FMN1: variants seen among roughly 807,000 people sequenced by gnomAD.
The protein encoded by FMN1 is formin-1.
A neutral mutation model predicts 132.4 loss-of-function variants in FMN1; 110 were observed. The observed-to-expected ratio is 0.83, with a 90% CI of 0.71 to 0.97. FMN1 has a LOEUF of 0.97. Among genes scored for constraint, FMN1 ranks in the 50% least tolerant of loss-of-function variants. The pLI, the probability that FMN1 is intolerant of heterozygous loss-of-function variation, is 0.00. For synonymous variants in FMN1, 722 were observed against 651.7 expected, an observed-to-expected ratio of 1.11 and a Z score of -1.64; for missense variants, 1,792 against 1,705.3, an observed-to-expected ratio of 1.05 and a Z score of -0.90.
At chr15:32,934,493 C>T (rs1261079479) in intron 9 of FMN1, among the ~76,000 whole-genome samples, 3 of 151,834 alleles carry the variant, frequency 2.0e-5, no homozygotes, top group Non-Finnish European at 2.9e-5. Flanking sequence ...ACTTTAAAGG[C>T]TTTCCTGTAT....
intron 6 of FMN1, chr15:33,012,450 T>C (rs559794055): frequency 8.0e-5 from 83 of 1,043,260 alleles, no homozygotes; most frequent in Middle Eastern, 3.0e-4. Context: ...TTGCTGGCAT[T>C]AAAGAAGACA....
chr15:32,860,896 G>GT (rs1379106992), intron 16 of FMN1: 1 of 152,116 alleles, frequency 6.6e-6, no homozygotes, highest in Non-Finnish European at 1.5e-5. Flanking sequence ...GGTAACAAAG[G>GT]TAACAAAGAT....
At chr15:32,867,922 T>G (rs1487331118) in intron 16 of FMN1, among the ~76,000 whole-genome samples, 1 of 152,238 alleles carries the variant, frequency 6.6e-6, no homozygotes, top group Non-Finnish European at 1.5e-5. Context: ...GTATTTTTCT[T>G]ACTGTTAAAT....
At chr15:33,099,327 A>G (rs1474467697) in intron 4 of FMN1, among the ~76,000 whole-genome samples, 1 of 152,150 alleles carries the variant, frequency 6.6e-6, no homozygotes, top group Non-Finnish European at 1.5e-5. Context: ...TTTCGAGTGT[A>G]CTGTGTGTCA....
At chr15:33,007,259 G>A (rs1348893662) in intron 7 of FMN1, among the ~76,000 whole-genome samples, 2 of 152,148 alleles carry the variant, frequency 1.3e-5, no homozygotes, top group Non-Finnish European at 2.9e-5. Context: ...TAGCAGTCAT[G>A]AGTTAACATT....
At chr15:33,123,905 A>C (rs774746940) in intron 4 of FMN1, among the ~76,000 whole-genome samples, 2 of 152,240 alleles carry the variant, frequency 1.3e-5, no homozygotes, top group African/African-American at 4.8e-5. Context: ...GAATCTCTCT[A>C]CATCTCTCGA....
chr15:33,066,592 CATCTT>C (rs1241143777), intron 5 of FMN1: 5 of 1,613,536 alleles, frequency 3.1e-6, no homozygotes, highest in Non-Finnish European at 4.2e-6. Context: ...TCTCATGTCT[CATCTT>C]GCGCTTGAGA....
At chr15:33,069,443 C>A (rs1176674590) in intron 5 of FMN1, among the ~76,000 whole-genome samples, 2 of 152,144 alleles carry the variant, frequency 1.3e-5, no homozygotes, top group Admixed American at 1.3e-4. Flanking sequence ...GAGCAAAGGT[C>A]CAAGAAGATT....
At chr15:32,788,034 A>T (rs1192591361) in intron 19 of FMN1, among the ~76,000 whole-genome samples, 1 of 116,084 alleles carries the variant, frequency 8.6e-6, no homozygotes, top group Non-Finnish European at 1.8e-5. Flanking sequence ...GCCACTTCAT[A>T]GTTTTTGTGA....
chr15:32,811,436 C>T (rs1041315637), intron 17 of FMN1, among the ~76,000 whole-genome samples: 2 of 151,894 alleles, frequency 1.3e-5, no homozygotes, highest in Non-Finnish European at 2.9e-5. Flanking sequence ...AGGTCACTTG[C>T]CTAAGGCTAA....
intron 6 of FMN1, among the ~76,000 whole-genome samples, chr15:33,018,084 AT>A (rs760500560): frequency 8.1e-6 from 1 of 123,632 alleles, no homozygotes; most frequent in Non-Finnish European, 1.8e-5. Context: ...AAAAAAAAAA[AT>A]TTATATGTTA....
chr15:32,901,327 G>A (rs942925351), intron 13 of FMN1, among the ~76,000 whole-genome samples: 7 of 152,152 alleles, frequency 4.6e-5, no homozygotes, highest in Non-Finnish European at 5.9e-5. Context: ...CTCCAAATAA[G>A]GAACAAAGTA....
intron 4 of FMN1, among the ~76,000 whole-genome samples, chr15:33,122,649 G>C (rs1029930539): frequency 6.0e-5 from 9 of 150,896 alleles, no homozygotes; most frequent in Admixed American, 5.2e-4. Context: ...CAATGTGAGA[G>C]AGAAAACTTG....
intron 9 of FMN1, among the ~76,000 whole-genome samples, chr15:32,943,999 A>G (rs2061452177): frequency 6.6e-6 from 1 of 152,148 alleles, no homozygotes; most frequent in Non-Finnish European, 1.5e-5. Flanking sequence ...GAATCCTTTT[A>G]TAGCTGTGGC....
chr15:32,958,257 C>T (rs1409449573), intron 9 of FMN1, among the ~76,000 whole-genome samples: 2 of 152,072 alleles, frequency 1.3e-5, no homozygotes, highest in Non-Finnish European at 2.9e-5. Flanking sequence ...ATAATGGCTA[C>T]TCTCATTCAT....
At chr15:33,067,914 G>A in intron 5 of FMN1, 1 of 1,578,426 alleles carries the variant, frequency 6.3e-7, no homozygotes, top group South Asian at 1.2e-5. Flanking sequence ...TGGAAGTTCT[G>A]ACTTGTGTTA....
At chr15:32,866,232 A>G (rs936234189) in intron 16 of FMN1, among the ~76,000 whole-genome samples, 3 of 130,568 alleles carry the variant, frequency 2.3e-5, no homozygotes, top group African/African-American at 7.1e-5. Flanking sequence ...TATAATAAAA[A>G]AAAAGAAAAA....
chr15:32,784,359 CAA>C (rs765442082), intron 19 of FMN1, among the ~76,000 whole-genome samples: 25 of 149,466 alleles, frequency 1.7e-4, no homozygotes, highest in Non-Finnish European at 3.0e-4. Flanking sequence ...TGTTTTTAGA[CAA>C]AAAGAGGTCT....
At chr15:32,912,946 A>G (rs1446437935) in intron 10 of FMN1, among the ~76,000 whole-genome samples, 11 of 152,216 alleles carry the variant, frequency 7.2e-5, no homozygotes, top group Admixed American at 7.2e-4. Context: ...AGCTATTACT[A>G]TCATGATTTC....
Sources: gnomAD v4.1 joint callset for allele counts (sites outside exome capture counted in the v4.1 genomes callset) on GRCh38, gnomAD v4.1.1 for gene constraint, MANE v1.5 for transcripts, NCBI Gene and HGNC (gene_info 2026-07-23, HGNC 2026-07-21) for gene names.